FARSB: variants seen among roughly 807,000 people sequenced by gnomAD.
The protein encoded by FARSB is phenylalanyl-tRNA synthetase subunit beta.
Under a neutral mutation model 69.6 loss-of-function variants are expected in FARSB, and 40 were observed. That is an observed-to-expected ratio of 0.57 (90% CI 0.45 to 0.75). The LOEUF is 0.75. Ranked by LOEUF, FARSB falls within the 30% of genes least tolerant of loss-of-function variation. The probability of loss-of-function intolerance (pLI) is 0.00; values close to 1 mark genes in which losing one functional copy is unlikely to be tolerated. For missense variants in FARSB, 632 were observed against 722.9 expected (o/e 0.87, Z 1.44); for synonymous variants, 235 against 247.2 (o/e 0.95, Z 0.46).
chr2:222,638,484 ATTATAT>A (rs1574949238), intron 5 of FARSB, among the ~76,000 whole-genome samples: 1 of 152,228 alleles, frequency 6.6e-6, no homozygotes, highest in East Asian at 1.9e-4. Flanking sequence ...TAATTTTGAA[ATTATAT>A]TTAAATTGTT....
At chr2:222,639,310 A>G (rs1691656955) in intron 5 of FARSB, among the ~76,000 whole-genome samples, 1 of 152,238 alleles carries the variant, frequency 6.6e-6, no homozygotes. Flanking sequence ...TCTATACAGT[A>G]TTCAAAATAT....
intron 14 of FARSB, among the ~76,000 whole-genome samples, chr2:222,614,316 C>T (rs1690942771): frequency 6.6e-6 from 1 of 152,082 alleles, no homozygotes. Context: ...GTGCAATGGG[C>T]ACAATCATAG....
chr2:222,599,071 AG>A (rs1345897167), intron 16 of FARSB, among the ~76,000 whole-genome samples: 1 of 150,724 alleles, frequency 6.6e-6, no homozygotes, highest in Non-Finnish European at 1.5e-5. Flanking sequence ...ACAATCCCTG[AG>A]GACTAATAAA....
In FARSB at chr2:222,630,095, G is replaced by C. The variant is rs372654250; in HGVS notation, c.848+18C>G. 10 of 1,461,160 alleles carry C rather than the reference G, an allele frequency of 6.8e-6. No homozygotes were observed. In the African/African-American group the frequency reaches 1.3e-4, roughly 19 times the overall value. The allele number at this position is 1,461,160 out of a possible 1,614,324, so 90.5% of individuals were successfully genotyped here. On this transcript the variant is annotated intron_variant, in intron 9 of 16. Coordinates refer to ENST00000281828, the MANE Select transcript of FARSB (RefSeq NM_005687.5). Reference sequence around the variant, plus strand: ...TTCAGAACAATGGGCCATCAATAAAGGTGCTGGATGAACTTACGTAAATTG... The same window carrying C: ...TTCAGAACAATGGGCCATCAATAAACGTGCTGGATGAACTTACGTAAATTG...
intron 16 of FARSB, among the ~76,000 whole-genome samples, chr2:222,596,805 G>C (rs1690429857): frequency 6.6e-6 from 1 of 151,950 alleles, no homozygotes; most frequent in Admixed American, 6.6e-5. Flanking sequence ...ACGTGTGTGT[G>C]TATTTTATAT....
At chr2:222,643,053 T>A (rs1329403383) in intron 2 of FARSB, 48 bp from the exon 3 acceptor site, 2 of 1,259,260 alleles carry the variant, frequency 1.6e-6, no homozygotes, top group South Asian at 1.5e-5. Flanking sequence ...ATTTAAACTC[T>A]CTTTAAAAAG....
intron 1 of FARSB, among the ~76,000 whole-genome samples, chr2:222,650,129 A>T (rs1203053688): frequency 1.3e-5 from 2 of 152,242 alleles, no homozygotes; most frequent in Non-Finnish European, 2.9e-5. Context: ...CACAGAAAGG[A>T]TGAGTTCGTT....
chr2:222,646,526 G>A (rs1043893123), intron 2 of FARSB, among the ~76,000 whole-genome samples: 22 of 152,222 alleles, frequency 1.4e-4, no homozygotes, highest in African/African-American at 5.1e-4. Flanking sequence ...GAATAAAAAA[G>A]GTTTAGGGAA....
chr2:222,632,795 C>G (rs1437201912), intron 7 of FARSB, among the ~76,000 whole-genome samples: 1 of 149,066 alleles, frequency 6.7e-6, no homozygotes, highest in Non-Finnish European at 1.5e-5. Context: ...GCCTGGGCGA[C>G]AGAGCAAGAG....
intron 13 of FARSB, among the ~76,000 whole-genome samples, chr2:222,621,740 A>G (rs1406822049): frequency 6.6e-6 from 1 of 152,242 alleles, no homozygotes; most frequent in African/African-American, 2.4e-5. Context: ...TTACACTTAG[A>G]AAGTCAGAGA....
chr2:222,655,163 T>C (rs1264839974), intron 1 of FARSB, among the ~76,000 whole-genome samples: 2 of 151,478 alleles, frequency 1.3e-5, no homozygotes, highest in African/African-American at 4.9e-5. Context: ...GCCACTGCAC[T>C]CCAGCCTGGG....
chr2:222,584,728 G>A (rs1411739300), intron 16 of FARSB, among the ~76,000 whole-genome samples: 6 of 152,212 alleles, frequency 3.9e-5, no homozygotes, highest in Non-Finnish European at 8.8e-5. Flanking sequence ...CACGCCCACG[G>A]AGCCTCGCTC....
chr2:222,586,531 G>A lies in FARSB; in HGVS notation c.1618+13397C>T, dbSNP rs187716171. ...AATAATATTAACCTTAAATGTAAAC[G>A]GACTAAATGCCCCAATTAAAAGACA... On this transcript the variant is annotated intron_variant, in intron 16 of 16. Transcript: ENST00000281828. 5.3e-4 allele frequency among the ~76,000 whole-genome samples: 80 copies of A among 152,124 alleles called. 1 individual carries two copies. Among genetic ancestry groups the A allele is most frequent in the Non-Finnish European group, 8.4e-4 (57 of 68,002 alleles).
At position 222,568,072 on chromosome 2, in the gene FARSB, A is replaced by AC. The variant is rs1300710225; in HGVS notation, c.*3798dup. ...GTTGCAAACCAGTAAGTAGAGCATGACCCCCAAAAATGTGAGCAGGTGTGT... is the reference window on the plus strand; with the variant it reads ...GTTGCAAACCAGTAAGTAGAGCATGACCCCCCAAAAATGTGAGCAGGTGTGT... On this transcript the variant is annotated 3_prime_UTR_variant, in exon 17 of 17. Coordinates refer to ENST00000281828, the MANE Select transcript of FARSB (RefSeq NM_005687.5). The surrounding 1 kb of genome is among the most constrained non-coding windows in gnomAD (Gnocchi z 4.3). The AC allele has an allele frequency of 1.3e-5, 2 of 152,090 alleles. No homozygotes were observed. Among genetic ancestry groups the AC allele is most frequent in the African/African-American group, 4.8e-5 (2 of 41,398 alleles). 9.4% of individuals were successfully genotyped at this position (152,090 alleles called of 1,614,324 possible).
chr2:222,582,930 GAA>G (rs869277740), intron 16 of FARSB, among the ~76,000 whole-genome samples: 1 of 104,516 alleles, frequency 9.6e-6, no homozygotes. Context: ...GTCTCCAAAA[GAA>G]AAAAAAAAAA....
chr2:222,590,034 T>C (rs1302814828), intron 16 of FARSB, among the ~76,000 whole-genome samples: 1 of 152,182 alleles, frequency 6.6e-6, no homozygotes, highest in African/African-American at 2.4e-5. Flanking sequence ...CAAAGGATTA[T>C]AAATCATGCT....
At position 222,631,657 on chromosome 2, in the gene FARSB, T is replaced by C. The variant is rs1574944441; in HGVS notation, c.733A>G (p.Thr245Ala). The C allele has an allele frequency of 6.4e-6, 10 of 1,564,882 alleles. 1 individual carries two copies. In the African/African-American group the frequency reaches 9.5e-5, roughly 15 times the overall value. ...ATAAAAATATTTCTAGTATTTACTGTTATTCTGGAATGATCCCCTGCAATG... is the reference window on the plus strand; with the variant it reads ...ATAAAAATATTTCTAGTATTTACTGCTATTCTGGAATGATCCCCTGCAATG... ...PIINGDHSRI[T>A]VNTRNIFIEC... The change falls in exon 8 of 17, where the codon ACA (threonine) becomes GCA (alanine). Residue 245 changes from threonine (T) to alanine (A), a missense_variant. Transcript: ENST00000281828.
At chr2:222,572,414 C>A (rs1046174196) in intron 16 of FARSB, among the ~76,000 whole-genome samples, 1 of 152,156 alleles carries the variant, frequency 6.6e-6, no homozygotes, top group Non-Finnish European at 1.5e-5. Flanking sequence ...ATGGGAAGAA[C>A]CTGTTTTCAA....
At chr2:222,594,856 G>T (rs2106193069) in intron 16 of FARSB, among the ~76,000 whole-genome samples, 1 of 152,286 alleles carries the variant, frequency 6.6e-6, no homozygotes, top group South Asian at 2.1e-4. Context: ...AAGAGAGTGA[G>T]GCAAGAGCAG....
Sources: allele counts gnomAD v4.1 joint callset (sites outside exome capture counted in the v4.1 genomes callset), GRCh38; gene constraint gnomAD v4.1.1; non-coding constraint Gnocchi (gnomAD v3.1); transcripts MANE v1.5; gene names NCBI Gene and HGNC (gene_info 2026-07-23, HGNC 2026-07-21).